RIC1: variants seen among roughly 807,000 people sequenced by gnomAD.
The protein encoded by RIC1 is RIC1 partner of RAB6A GEF complex.
Under a neutral mutation model 169.0 loss-of-function variants are expected in RIC1, and 88 were observed. The ratio of observed to expected loss-of-function variants is 0.52; its 90% CI spans 0.44 to 0.62. The LOEUF (loss-of-function observed/expected upper bound fraction) is 0.62. Among genes scored for constraint, RIC1 ranks in the 20% least tolerant of loss-of-function variants. The probability of loss-of-function intolerance (pLI) is 0.00; values close to 1 mark genes in which losing one functional copy is unlikely to be tolerated. For missense variants in RIC1, 1,877 were observed against 1,725.5 expected (o/e 1.09, Z -1.56); for synonymous variants, 790 against 601.5 (o/e 1.31, Z -4.59).
intron 25 of RIC1, 102 bp from the exon 26 acceptor site, chr9:5,773,856 G>T: frequency 9.0e-7 from 1 of 1,111,384 alleles, no homozygotes; most frequent in South Asian, 1.7e-5. Flanking sequence ...CTAATCTATC[G>T]TCGTCTTTAC....
intron 3 of RIC1, among the ~76,000 whole-genome samples, chr9:5,709,332 C>T (rs1476244593): frequency 6.6e-6 from 1 of 152,160 alleles, no homozygotes; most frequent in South Asian, 2.1e-4. Flanking sequence ...ATTATTTCTA[C>T]GTGCAGACAG....
chr9:5,675,336 G>GT (rs1370206333), intron 2 of RIC1, among the ~76,000 whole-genome samples: 2 of 152,134 alleles, frequency 1.3e-5, no homozygotes, highest in Non-Finnish European at 2.9e-5. Flanking sequence ...GGTGGAGGAG[G>GT]TAATCTAAAA....
intron 17 of RIC1, among the ~76,000 whole-genome samples, chr9:5,759,560 CT>C (rs1422561973): frequency 6.6e-6 from 1 of 152,112 alleles, no homozygotes; most frequent in African/African-American, 2.4e-5. Context: ...TCATTTGTAT[CT>C]TCATTCAAAT....
intron 1 of RIC1, among the ~76,000 whole-genome samples, chr9:5,639,876 T>C (rs1818155808): frequency 6.6e-6 from 1 of 152,214 alleles, no homozygotes; most frequent in Non-Finnish European, 1.5e-5. Flanking sequence ...ATTTTGTCAG[T>C]ATTTATATAA....
chr9:5,669,505 T>A (rs1485508296), intron 2 of RIC1, among the ~76,000 whole-genome samples: 1 of 152,232 alleles, frequency 6.6e-6, no homozygotes, highest in Non-Finnish European at 1.5e-5. Context: ...GGTGTATATA[T>A]ATACCACATT....
chr9:5,668,702 C>G (rs561209637), intron 2 of RIC1, among the ~76,000 whole-genome samples: 3 of 152,128 alleles, frequency 2.0e-5, no homozygotes, highest in African/African-American at 7.2e-5. Context: ...AGTTACTGTA[C>G]TTTTTATCTT....
chr9:5,664,654 G>T (rs536372029), intron 2 of RIC1, among the ~76,000 whole-genome samples: 50 of 152,144 alleles, frequency 3.3e-4, no homozygotes, highest in African/African-American at 9.9e-4. Context: ...TTGAATGTTG[G>T]CCTGTCTTCC....
chr9:5,689,581 C>T (rs189708842), intron 2 of RIC1, among the ~76,000 whole-genome samples: 10 of 152,140 alleles, frequency 6.6e-5, no homozygotes, highest in Admixed American at 5.9e-4. Flanking sequence ...TGTAATAAAG[C>T]CATAAAGTGG....
chr9:5,689,206 G>T (rs918056995), intron 2 of RIC1, among the ~76,000 whole-genome samples: 2 of 151,592 alleles, frequency 1.3e-5, no homozygotes, highest in Non-Finnish European at 2.9e-5. Flanking sequence ...CTGCCACCAC[G>T]CCCGGCTAAT....
intron 17 of RIC1, among the ~76,000 whole-genome samples, chr9:5,761,601 A>G (rs1826345393): frequency 1.3e-5 from 2 of 152,178 alleles, no homozygotes; most frequent in South Asian, 2.1e-4. Context: ...TATCAGTGAT[A>G]ATAACTTCAA....
chr9:5,640,949 T>G (rs761287922), intron 1 of RIC1, among the ~76,000 whole-genome samples: 12 of 152,186 alleles, frequency 7.9e-5, no homozygotes, highest in Non-Finnish European at 1.5e-4. Flanking sequence ...CTGTAAGATT[T>G]TTACTGAAGA....
intron 2 of RIC1, among the ~76,000 whole-genome samples, chr9:5,674,771 CT>C (rs1485307164): frequency 1.3e-5 from 2 of 152,350 alleles, no homozygotes; most frequent in African/African-American, 4.8e-5. Context: ...CTCCAGCCCA[CT>C]TTTCCCCTTT....
chr9:5,762,422 A>T (rs1826397615), intron 17 of RIC1, 119 bp from the exon 18 acceptor site: 3 of 1,246,120 alleles, frequency 2.4e-6, no homozygotes, highest in Non-Finnish European at 3.4e-6. Flanking sequence ...GGCTGTACAT[A>T]GTACAACCTC....
chr9:5,697,432 A>G (rs1256256836), intron 3 of RIC1, among the ~76,000 whole-genome samples: 1 of 152,102 alleles, frequency 6.6e-6, no homozygotes, highest in East Asian at 1.9e-4. Context: ...TCTGGGCACT[A>G]GTTTGGTACC....
At chr9:5,733,263 ATT>A (rs71487829) in intron 7 of RIC1, among the ~76,000 whole-genome samples, 27 of 134,814 alleles carry the variant, frequency 2.0e-4, no homozygotes, top group Admixed American at 3.8e-4. Context: ...AGTATCAAAG[ATT>A]TTTTTTTTTT....
chr9:5,760,078 A>T (rs1826237579), intron 17 of RIC1, among the ~76,000 whole-genome samples: 1 of 152,206 alleles, frequency 6.6e-6, no homozygotes, highest in African/African-American at 2.4e-5. Context: ...AGAATGCTGG[A>T]GCAAAGTAAG....
intron 11 of RIC1, among the ~76,000 whole-genome samples, chr9:5,746,683 C>G (rs2130999889): frequency 6.6e-6 from 1 of 152,232 alleles, no homozygotes; most frequent in Admixed American, 6.5e-5. Context: ...GTATTTCTAT[C>G]TGAAATAGTG....
chr9:5,767,683 G>C (rs957288465), intron 21 of RIC1, among the ~76,000 whole-genome samples: 1 of 152,122 alleles, frequency 6.6e-6, no homozygotes, highest in Non-Finnish European at 1.5e-5. Flanking sequence ...CGCCTCCCAG[G>C]TTCAAGTGAT....
At chr9:5,672,134 G>A (rs1434367757) in intron 2 of RIC1, among the ~76,000 whole-genome samples, 9 of 152,158 alleles carry the variant, frequency 5.9e-5, no homozygotes, top group Admixed American at 2.6e-4. Flanking sequence ...AGCAGTATGT[G>A]AGCTTGTCTG....
Sources: gnomAD v4.1 joint callset for allele counts (sites outside exome capture counted in the v4.1 genomes callset) on GRCh38, gnomAD v4.1.1 for gene constraint, MANE v1.5 for transcripts, NCBI Gene and HGNC (gene_info 2026-07-23, HGNC 2026-07-21) for gene names.